Variants in TRPC7 observed in about 807,000 individuals in gnomAD.
The protein encoded by TRPC7 is transient receptor potential cation channel subfamily C member 7, also known as short transient receptor potential channel 7.
TRPC7 carries 42 observed loss-of-function variants against 90.1 expected under a neutral mutation model. That is an observed-to-expected ratio of 0.47 (90% CI 0.36 to 0.60). The LOEUF (loss-of-function observed/expected upper bound fraction) is 0.60, where lower values mean the gene tolerates loss of function less well. TRPC7 is among the 20% of genes least tolerant of loss of function. TRPC7 has a pLI of 0.00. For missense variants in TRPC7, 955 were observed against 1,112.3 expected, an observed-to-expected ratio of 0.86 and a Z score of 2.01; for synonymous variants, 451 against 436.3, an observed-to-expected ratio of 1.03 and a Z score of -0.42.
intron 2 of TRPC7, among the ~76,000 whole-genome samples, chr5:136,319,766 A>G (rs1213398397): frequency 1.3e-5 from 2 of 152,076 alleles, no homozygotes; most frequent in African/African-American, 4.8e-5. Context: ...TCCTTGATAC[A>G]TACTCTTCAC....
intron 11 of TRPC7, among the ~76,000 whole-genome samples, chr5:136,214,802 C>T (rs1193816741): frequency 1.3e-5 from 2 of 152,118 alleles, no homozygotes; most frequent in Non-Finnish European, 2.9e-5. Flanking sequence ...TCTGTAGTTC[C>T]CTGTGGCCCA....
At chr5:136,249,279 TAG>T (rs1261492960) in intron 6 of TRPC7, among the ~76,000 whole-genome samples, 4 of 152,122 alleles carry the variant, frequency 2.6e-5, no homozygotes, top group African/African-American at 9.7e-5. Context: ...ATTATAATAA[TAG>T]AGAGCAGTAA....
Position 136,265,749 on chromosome 5 carries a change from A to G in TRPC7, c.1345+471T>C, listed in dbSNP as rs534666846. On this transcript the variant is annotated intron_variant, in intron 5 of 11. Coordinates refer to ENST00000513104, the MANE Select transcript of TRPC7 (RefSeq NM_020389.3). ...TACACCCACTTACACAAATAACAAG[A>G]AAATGTTACTCCCGTGAATTTTTAG... Among the ~76,000 whole-genome samples the G allele has an allele frequency of 5.3e-5, 8 of 152,282 alleles. No individual in the cohort carries two copies. The South Asian group carries it at 1.0e-3, about 20-fold the overall frequency.
At chr5:136,228,436 CTT>C (rs55851435) in intron 8 of TRPC7, among the ~76,000 whole-genome samples, 21 of 140,538 alleles carry the variant, frequency 1.5e-4, no homozygotes, top group African/African-American at 1.6e-4. Context: ...TTTATAGTTC[CTT>C]TTTTTTTTTT....
chr5:136,297,036 G>A (rs139357022), intron 3 of TRPC7, among the ~76,000 whole-genome samples: 10 of 152,148 alleles, frequency 6.6e-5, no homozygotes, highest in South Asian at 2.1e-4. Flanking sequence ...AAACGTGATC[G>A]CACCTTTATA....
chr5:136,363,144 T>A (rs767304681), intron 1 of TRPC7, among the ~76,000 whole-genome samples: 1 of 152,184 alleles, frequency 6.6e-6, no homozygotes, highest in East Asian at 1.9e-4. Flanking sequence ...AGTTGCTAGA[T>A]GAAGCAGCTA....
chr5:136,224,361 T>C (rs1481963068), intron 10 of TRPC7, among the ~76,000 whole-genome samples: 1 of 152,246 alleles, frequency 6.6e-6, no homozygotes, highest in Non-Finnish European at 1.5e-5. Context: ...ATGCAAGGAT[T>C]GGAAGCATAA....
intron 2 of TRPC7, among the ~76,000 whole-genome samples, chr5:136,335,860 C>T (rs1348194970): frequency 7.1e-6 from 1 of 140,496 alleles, no homozygotes; most frequent in African/African-American, 2.8e-5. Context: ...GCCAAGATCA[C>T]GCCACTGCAC....
At chr5:136,291,862 C>A (rs144116040) in intron 3 of TRPC7, among the ~76,000 whole-genome samples, 18,374 of 152,212 alleles carry the variant, frequency 0.12, 1,151 homozygotes, top group African/African-American at 0.14. Flanking sequence ...CCACACCACA[C>A]CAATTCCAAA....
chr5:136,327,066 G>A (rs1184058156), intron 2 of TRPC7, among the ~76,000 whole-genome samples: 1 of 152,162 alleles, frequency 6.6e-6, no homozygotes, highest in Non-Finnish European at 1.5e-5. Context: ...GCTCACATAG[G>A]CTCTCGATGA....
chr5:136,312,744 G>A (rs1561714613), intron 3 of TRPC7, among the ~76,000 whole-genome samples: 1 of 152,094 alleles, frequency 6.6e-6, no homozygotes, highest in Admixed American at 6.6e-5. Context: ...CAGACATTAG[G>A]GTGGTGCCTG....
intron 2 of TRPC7, among the ~76,000 whole-genome samples, chr5:136,321,557 A>G (rs1759199399): frequency 6.6e-6 from 1 of 152,226 alleles, no homozygotes; most frequent in Non-Finnish European, 1.5e-5. Flanking sequence ...TTAATAATAA[A>G]TAACACAAAT....
At chr5:136,318,049 C>T (rs55972276) in intron 2 of TRPC7, among the ~76,000 whole-genome samples, 2 of 152,142 alleles carry the variant, frequency 1.3e-5, no homozygotes, top group Non-Finnish European at 2.9e-5. Context: ...AGGCAATAAG[C>T]GTTCTGCTGT....
chr5:136,237,694 T>G (rs942306917), intron 7 of TRPC7, among the ~76,000 whole-genome samples: 7 of 152,198 alleles, frequency 4.6e-5, no homozygotes, highest in Non-Finnish European at 1.0e-4. Flanking sequence ...GTTGTGAGGA[T>G]TGAATGAGTT....
intron 10 of TRPC7, among the ~76,000 whole-genome samples, chr5:136,224,898 G>T (rs1018123308): frequency 2.0e-5 from 3 of 152,166 alleles, no homozygotes; most frequent in Non-Finnish European, 2.9e-5. Flanking sequence ...TCGGCTGACT[G>T]TTCTCTCCTT....
At chr5:136,250,283 G>A (rs1353475293) in intron 6 of TRPC7, among the ~76,000 whole-genome samples, 1 of 152,224 alleles carries the variant, frequency 6.6e-6, no homozygotes, top group Non-Finnish European at 1.5e-5. Context: ...AAAACGGGCA[G>A]TTACTCAACT....
chr5:136,330,070 G>A (rs946021052), intron 2 of TRPC7, among the ~76,000 whole-genome samples: 1 of 152,120 alleles, frequency 6.6e-6, no homozygotes, highest in African/African-American at 2.4e-5. Flanking sequence ...AATCCTTCAG[G>A]ACATGTGAGT....
At chr5:136,344,683 G>A (rs1759949370) in intron 2 of TRPC7, among the ~76,000 whole-genome samples, 1 of 152,174 alleles carries the variant, frequency 6.6e-6, no homozygotes. Context: ...TGTGTTCACT[G>A]AACCTAGCCA....
chr5:136,337,393 C>T (rs962691187), intron 2 of TRPC7, among the ~76,000 whole-genome samples: 1 of 152,146 alleles, frequency 6.6e-6, no homozygotes, highest in Non-Finnish European at 1.5e-5. Flanking sequence ...TAGGGCCAGG[C>T]GTGGTGGCTC....
Sources: gnomAD v4.1 joint callset for allele counts (sites outside exome capture counted in the v4.1 genomes callset) on GRCh38, gnomAD v4.1.1 for gene constraint, MANE v1.5 for transcripts, NCBI Gene and HGNC (gene_info 2026-07-23, HGNC 2026-07-21) for gene names.